The following MTRF1 variants were observed in gnomAD, a reference collection of about 807,000 sequenced individuals.
The protein encoded by MTRF1 is mitochondrial translation release factor 1.
In MTRF1, 51 loss-of-function variants were observed where a neutral mutation model predicts 62.9. The ratio of observed to expected loss-of-function variants is 0.81; its 90% CI spans 0.65 to 1.02. The LOEUF is 1.02. Among genes scored for constraint, MTRF1 ranks in the 50% least tolerant of loss-of-function variants. MTRF1 has a pLI of 0.00. For synonymous variants in MTRF1, 158 were observed against 181.9 expected (o/e 0.87, Z 1.06); for missense variants, 446 against 530.0 (o/e 0.84, Z 1.56).
intron 6 of MTRF1, 21 bp from the exon 7 acceptor site, chr13:41,234,028 T>C (rs2036052412): frequency 1.3e-6 from 2 of 1,523,274 alleles, no homozygotes; most frequent in Admixed American, 1.7e-5. Flanking sequence ...AGGCATGGCA[T>C]AATTCTACAC....
intron 4 of MTRF1, 26 bp from the exon 5 acceptor site, chr13:41,252,778 A>C: frequency 6.2e-7 from 1 of 1,600,638 alleles, no homozygotes; most frequent in Non-Finnish European, 8.6e-7. Flanking sequence ...AAAAATATTT[A>C]GTCAGGACAA....
the MTRF1 span, among the ~76,000 whole-genome samples, chr13:41,310,632 T>C: frequency 6.6e-6 from 1 of 152,220 alleles, no homozygotes; most frequent in Non-Finnish European, 1.5e-5. Flanking sequence ...ATAGCGCCAC[T>C]GCACTGCAGC....
intron 2 of MTRF1, among the ~76,000 whole-genome samples, chr13:41,258,935 T>C (rs1358959756): frequency 6.6e-6 from 1 of 152,030 alleles, no homozygotes; most frequent in Non-Finnish European, 1.5e-5. Context: ...GAAAAGACAA[T>C]TAAATTTAAA....
At chr13:41,252,472 G>T in intron 5 of MTRF1, 173 bp downstream of exon 5, 2 of 447,416 alleles carry the variant, frequency 4.5e-6, no homozygotes, top group South Asian at 5.6e-5. Context: ...TCTTCTCCTA[G>T]CTAACAACTC....
chr13:41,283,824 G>A, the MTRF1 span, among the ~76,000 whole-genome samples: 4 of 151,682 alleles, frequency 2.6e-5, no homozygotes, highest in Non-Finnish European at 5.9e-5. Flanking sequence ...TGATCCACCC[G>A]CCTCGGCCTC....
rs781748847 is a variant in MTRF1 at position 41,260,788 on chromosome 13, T to TTGCA, written c.116_119dup (p.Gln40HisfsTer5). ...TGCAATTCCTGTTTTGTCTAAAAAC[T>TTGCA]TGCAGCCTTGTATCAAGATGTATCT... is the stretch of plus-strand genomic sequence containing the variant. On this transcript the variant is annotated frameshift_variant, in exon 2 of 10. Transcript: ENST00000379480. LOFTEE classifies it high-confidence loss of function. 6 of 1,614,194 alleles carry TTGCA rather than the reference T, an allele frequency of 3.7e-6. No homozygotes were observed. The South Asian group carries it at 4.4e-5, about 12-fold the overall frequency.
chr13:41,238,793 T>C (rs2037085586), intron 6 of MTRF1, among the ~76,000 whole-genome samples: 1 of 152,208 alleles, frequency 6.6e-6, no homozygotes. Context: ...TCTAGCATTA[T>C]GTGTCTTCTG....
Position 41,260,851 on chromosome 13 carries a change from G to C in MTRF1, c.57C>G (p.Leu19=). 6.2e-7 allele frequency: 1 copy of C among 1,613,714 alleles called. No homozygotes were observed. Among genetic ancestry groups the C allele is most frequent in the Non-Finnish European group, 8.5e-7 (1 of 1,179,704 alleles). The change falls in exon 2 of 10, where the codon CTC becomes CTG. Residue 19 remains leucine, a synonymous_variant. Coordinates refer to ENST00000379480, the MANE Select transcript of MTRF1 (RefSeq NM_004294.4). ...GAGAATGGAGCTGGATGTGACACTGGAGGTAACCATTAAGAGATGGATGTC... is the reference window on the plus strand; with the variant it reads ...GAGAATGGAGCTGGATGTGACACTGCAGGTAACCATTAAGAGATGGATGTC... ...LFRHPSLNGY[L]QCHIQLHSHQ...
chr13:41,284,376 G>A, the MTRF1 span, among the ~76,000 whole-genome samples: 1 of 150,894 alleles, frequency 6.6e-6, no homozygotes, highest in Non-Finnish European at 1.5e-5. Flanking sequence ...CCAGCTACTC[G>A]GGAGGCTCAG....
intron 2 of MTRF1, 108 bp from the exon 3 acceptor site, chr13:41,254,728 G>GAA: frequency 1.4e-6 from 1 of 721,256 alleles, no homozygotes. Flanking sequence ...AGTTGCAAAG[G>GAA]CAAGGGATTA....
chr13:41,303,912 T>C, the MTRF1 span, among the ~76,000 whole-genome samples: 1 of 152,212 alleles, frequency 6.6e-6, no homozygotes, highest in African/African-American at 2.4e-5. Context: ...CCCATTTTTT[T>C]GTTATCCTAT....
At chr13:41,278,469 G>A in the MTRF1 span, among the ~76,000 whole-genome samples, 474 of 152,318 alleles carry the variant, frequency 3.1e-3, 6 homozygotes, top group African/African-American at 0.011. Flanking sequence ...AAACGGAGAG[G>A]ATGAAGTAAA....
chr13:41,260,096 A>G (rs1319692305), intron 2 of MTRF1, among the ~76,000 whole-genome samples: 1 of 152,084 alleles, frequency 6.6e-6, no homozygotes, highest in Non-Finnish European at 1.5e-5. Context: ...TTTAGTAGCT[A>G]AAGTGTGTCA....
At chr13:41,236,477 T>A (rs921743160) in intron 6 of MTRF1, 2 of 152,194 alleles carry the variant, frequency 1.3e-5, no homozygotes, top group Non-Finnish European at 2.9e-5. Context: ...CATTTATTAG[T>A]GTGAATGACA....
chr13:41,274,246 TTATAAC>T, the MTRF1 span, among the ~76,000 whole-genome samples: 1 of 152,222 alleles, frequency 6.6e-6, no homozygotes. Flanking sequence ...TAATGATTAA[TTATAAC>T]TATATTTCTG....
chr13:41,274,897 G>A, the MTRF1 span, among the ~76,000 whole-genome samples: 1 of 151,898 alleles, frequency 6.6e-6, no homozygotes, highest in Non-Finnish European at 1.5e-5. Context: ...ACAGACATGA[G>A]CCTCCGTGCC....
rs188324555 is a variant in MTRF1 at position 41,222,940 on chromosome 13, C to T, written c.1224+316G>A. Among the ~76,000 whole-genome samples, 284 of 152,272 alleles carry T rather than the reference C, an allele frequency of 1.9e-3. 1 individual carries two copies. Among genetic ancestry groups the T allele is most frequent in the African/African-American group, 6.5e-3 (271 of 41,550 alleles). ...GGGTACTGCTTTAAGTTGCTATATT[C>T]GTGGTAATTTGTTACCTGTCAATAG... On this transcript the variant is annotated intron_variant, in intron 9 of 9. Transcript: ENST00000379480.
chr13:41,248,652 G>C lies in MTRF1; in HGVS notation c.697+3993C>G, dbSNP rs149766597. Reference sequence around the variant, plus strand: ...GGGCTTCCCGACAAATATGTTTCTCGCAGTTGTGGTGAAAGGTGAGTCATG... The same window carrying C: ...GGGCTTCCCGACAAATATGTTTCTCCCAGTTGTGGTGAAAGGTGAGTCATG... On this transcript the variant is annotated intron_variant, in intron 5 of 9. Coordinates refer to ENST00000379480, the MANE Select transcript of MTRF1 (RefSeq NM_004294.4). Among the ~76,000 whole-genome samples, 34 of 152,288 alleles carry C rather than the reference G, an allele frequency of 2.2e-4. 1 individual carries two copies. The East Asian group carries it at 6.6e-3, about 29-fold the overall frequency.
chr13:41,271,088 CA>C, the MTRF1 span, among the ~76,000 whole-genome samples: 1 of 145,980 alleles, frequency 6.9e-6, no homozygotes, highest in Non-Finnish European at 1.5e-5. Flanking sequence ...CACACACACA[CA>C]CACCCCATAT....
Sources: allele counts gnomAD v4.1 joint callset (sites outside exome capture counted in the v4.1 genomes callset), GRCh38; gene constraint gnomAD v4.1.1; transcripts MANE v1.5; gene names NCBI Gene and HGNC (gene_info 2026-07-23, HGNC 2026-07-21).